TENM2: variants seen among roughly 807,000 people sequenced by gnomAD.
TENM2 encodes teneurin-2.
TENM2 carries 52 observed loss-of-function variants against 245.2 expected under a neutral mutation model. That is an observed-to-expected ratio of 0.21 (90% confidence interval 0.17 to 0.27). TENM2 has a LOEUF of 0.27. Among genes scored for constraint, TENM2 ranks in the 10% least tolerant of loss-of-function variants. The pLI is 1.00. For synonymous variants in TENM2, 1,363 were observed against 1,438.9 expected, an observed-to-expected ratio of 0.95 and a Z score of 1.19; for missense variants, 3,046 against 3,666.8, an observed-to-expected ratio of 0.83 and a Z score of 4.37.
At chr5:167,131,886 G>A in the TENM2 span, among the ~76,000 whole-genome samples, 3 of 152,132 alleles carry the variant, frequency 2.0e-5, no homozygotes, top group African/African-American at 7.2e-5. Context: ...GCAATGGTGC[G>A]ATCTCAGCTC....
chr5:167,594,401 C>G (rs1350601891), intron 2 of TENM2, among the ~76,000 whole-genome samples: 1 of 152,056 alleles, frequency 6.6e-6, no homozygotes, highest in Non-Finnish European at 1.5e-5. Context: ...TAGTCTAACC[C>G]ACATGGCAAT....
At position 168,182,444 on chromosome 5, in the gene TENM2, G is replaced by A. The variant is rs1317059180; in HGVS notation, c.2570-7893G>A. Among the ~76,000 whole-genome samples the A allele has an allele frequency of 2.0e-5, 3 of 152,252 alleles. No homozygotes were observed. The East Asian group carries it at 5.8e-4, about 29-fold the overall frequency. ...TTAGAGCACCTCTGTGCATTTCAGT[G>A]CAGTCAGCATTATTAAGTCCATTCT... On this transcript the variant is annotated intron_variant, in intron 13 of 28. Transcript: ENST00000518659.
chr5:167,041,049 G>A, the TENM2 span, among the ~76,000 whole-genome samples: 3 of 152,092 alleles, frequency 2.0e-5, no homozygotes, highest in Non-Finnish European at 4.4e-5. Flanking sequence ...TCAGATGTTT[G>A]CTGAAAAGGG....
At chr5:167,087,636 C>T in the TENM2 span, among the ~76,000 whole-genome samples, 3 of 152,096 alleles carry the variant, frequency 2.0e-5, no homozygotes, top group African/African-American at 7.2e-5. Context: ...ACGTTCTGTG[C>T]GTGATTCACG....
At chr5:167,012,280 A>G in the TENM2 span, among the ~76,000 whole-genome samples, 199 of 152,334 alleles carry the variant, frequency 1.3e-3, 1 homozygote, top group African/African-American at 4.6e-3. Context: ...GTTTTAAGAC[A>G]TATTTACCAA....
chr5:167,631,018 T>C (rs1476248229), intron 2 of TENM2, among the ~76,000 whole-genome samples: 1 of 152,202 alleles, frequency 6.6e-6, no homozygotes, highest in Non-Finnish European at 1.5e-5. Flanking sequence ...TATCCATTCA[T>C]TCATTTGGCA....
intron 2 of TENM2, among the ~76,000 whole-genome samples, chr5:167,551,747 T>G (rs1772962060): frequency 6.6e-6 from 1 of 152,222 alleles, no homozygotes; most frequent in Non-Finnish European, 1.5e-5. Context: ...TGGACAAACT[T>G]ACTCCATTGT....
intron 2 of TENM2, among the ~76,000 whole-genome samples, chr5:167,673,117 T>C (rs1367465817): frequency 6.6e-6 from 1 of 152,192 alleles, no homozygotes; most frequent in Non-Finnish European, 1.5e-5. Flanking sequence ...GCTACCAATG[T>C]GTAGATGCCA....
chr5:167,310,530 A>C (rs2127753042), intron 1 of TENM2, among the ~76,000 whole-genome samples: 1 of 152,346 alleles, frequency 6.6e-6, no homozygotes, highest in East Asian at 1.9e-4. Context: ...TTCAGAGAAA[A>C]CTTAATAAAT....
At chr5:167,002,812 T>C in the TENM2 span, among the ~76,000 whole-genome samples, 1 of 152,112 alleles carries the variant, frequency 6.6e-6, no homozygotes, top group East Asian at 1.9e-4. Context: ...TGAATAATTA[T>C]AATGCATTTT....
At chr5:168,143,060 A>AT (rs1261910319) in intron 12 of TENM2, among the ~76,000 whole-genome samples, 1 of 152,212 alleles carries the variant, frequency 6.6e-6, no homozygotes, top group African/African-American at 2.4e-5. Flanking sequence ...AGAATAGCCC[A>AT]TTTTTAGGGA....
rs571124658 is a variant in TENM2, at chr5:167,625,584, A to C, written c.502+250111A>C. On this transcript the variant is annotated intron_variant, in intron 2 of 28. Transcript: ENST00000518659. Reference sequence around the variant, plus strand: ...AACAAAGGTAGAGGTAAAAACCACTATAAGTTAGATAAGGAAAGTCTGCTC... The same window carrying C: ...AACAAAGGTAGAGGTAAAAACCACTCTAAGTTAGATAAGGAAAGTCTGCTC... Among the ~76,000 whole-genome samples, 16 of 152,338 alleles carry C rather than the reference A, an allele frequency of 1.1e-4. No individual in the cohort carries two copies. In the South Asian group the frequency reaches 3.1e-3, roughly 30 times the overall value.
the TENM2 span, among the ~76,000 whole-genome samples, chr5:167,234,010 A>G: frequency 6.8e-6 from 1 of 147,180 alleles, no homozygotes; most frequent in African/African-American, 2.6e-5. Flanking sequence ...AACAATGCCC[A>G]GATGCTTTCC....
intron 2 of TENM2, among the ~76,000 whole-genome samples, chr5:167,714,784 C>A (rs1759147488): frequency 6.6e-6 from 1 of 152,270 alleles, no homozygotes; most frequent in Admixed American, 6.5e-5. Context: ...CCAACCCAGA[C>A]CCTGTGCCAA....
intron 3 of TENM2, among the ~76,000 whole-genome samples, chr5:167,929,057 GAGAGAAAGAAAGAAAGAAAGAA>G (rs1561945380): frequency 2.4e-4 from 14 of 57,336 alleles, no homozygotes; most frequent in African/African-American, 4.0e-4. Flanking sequence ...AAGAAAGAAA[GAGAGAAAGAAAGAAAGAAAGAA>G]AGAAAGAAAG....
the TENM2 span, among the ~76,000 whole-genome samples, chr5:167,071,878 G>A: frequency 2.4e-5 from 3 of 124,108 alleles, no homozygotes; most frequent in Middle Eastern, 4.3e-3. Flanking sequence ...TTGACAAATC[G>A]CCCCCCCCCG....
At chr5:167,862,101 T>A (rs1771868500) in intron 2 of TENM2, among the ~76,000 whole-genome samples, 1 of 152,222 alleles carries the variant, frequency 6.6e-6, no homozygotes. Context: ...AGATGGGCTT[T>A]GAATTTTAGG....
At chr5:167,104,278 G>C in the TENM2 span, among the ~76,000 whole-genome samples, 2 of 152,058 alleles carry the variant, frequency 1.3e-5, no homozygotes, top group African/African-American at 4.8e-5. Context: ...AACATGTTTT[G>C]GCAATAAGAG....
intron 2 of TENM2, among the ~76,000 whole-genome samples, chr5:167,584,067 TG>T (rs1465301136): frequency 6.6e-6 from 1 of 152,230 alleles, no homozygotes; most frequent in Admixed American, 6.5e-5. Flanking sequence ...TATATATAAC[TG>T]CTGGTTTAAT....
Sources: gnomAD v4.1 joint callset for allele counts (sites outside exome capture counted in the v4.1 genomes callset) on GRCh38, gnomAD v4.1.1 for gene constraint, MANE v1.5 for transcripts, NCBI Gene and HGNC (gene_info 2026-07-23, HGNC 2026-07-21) for gene names.